Variants in CDH13 observed in about 807,000 individuals in gnomAD.
CDH13 encodes the protein cadherin-13.
In CDH13, 24 loss-of-function variants were observed where a neutral mutation model predicts 63.8. The ratio of observed to expected loss-of-function variants is 0.38; its 90% CI spans 0.27 to 0.53. The LOEUF is 0.53. Among genes scored for constraint, CDH13 ranks in the 20% least tolerant of loss-of-function variants. The pLI is 0.85. For synonymous variants in CDH13, 503 were observed against 355.3 expected, an observed-to-expected ratio of 1.42 and a Z score of -4.67; for missense variants, 1,049 against 903.1, an observed-to-expected ratio of 1.16 and a Z score of -2.07.
intron 10 of CDH13, among the ~76,000 whole-genome samples, chr16:83,747,690 G>C (rs150002027): frequency 7.3e-5 from 11 of 150,468 alleles, no homozygotes; most frequent in African/African-American, 2.7e-4. Context: ...GAGGTAGTGA[G>C]TTCTTCCTCC....
At chr16:83,668,036 T>C (rs1330948408) in intron 8 of CDH13, among the ~76,000 whole-genome samples, 2 of 152,086 alleles carry the variant, frequency 1.3e-5, no homozygotes, top group East Asian at 1.9e-4. Flanking sequence ...GTGACTGGGG[T>C]CCACCAGCCA....
intron 2 of CDH13, among the ~76,000 whole-genome samples, chr16:82,914,159 C>G (rs1326260445): frequency 6.6e-6 from 1 of 152,108 alleles, no homozygotes. Context: ...CTGCTAGATC[C>G]TTCACTAGAC....
chr16:83,326,860 C>A (rs750121263), intron 5 of CDH13, among the ~76,000 whole-genome samples: 14 of 152,136 alleles, frequency 9.2e-5, no homozygotes, highest in Non-Finnish European at 2.1e-4. Context: ...CTCCTAAGCC[C>A]AGAACCTATG....
At chr16:83,711,126 C>T (rs138167250) in intron 10 of CDH13, among the ~76,000 whole-genome samples, 1 of 152,190 alleles carries the variant, frequency 6.6e-6, no homozygotes, top group African/African-American at 2.4e-5. Flanking sequence ...CTAAAGCTGT[C>T]CCTTCTCCAC....
intron 7 of CDH13, among the ~76,000 whole-genome samples, chr16:83,488,613 TA>T (rs2073945557): frequency 1.3e-5 from 2 of 152,028 alleles, no homozygotes; most frequent in Non-Finnish European, 1.5e-5. Flanking sequence ...CCTATTTTTT[TA>T]TTTTTTTATT....
At chr16:83,722,340 G>A (rs1909805466) in intron 10 of CDH13, among the ~76,000 whole-genome samples, 1 of 152,182 alleles carries the variant, frequency 6.6e-6, no homozygotes, top group African/African-American at 2.4e-5. Context: ...ACCCCACAAA[G>A]GGGATCCCTG....
chr16:83,462,317 C>CA (rs1419019080), intron 6 of CDH13, among the ~76,000 whole-genome samples: 1 of 152,242 alleles, frequency 6.6e-6, no homozygotes, highest in Non-Finnish European at 1.5e-5. Context: ...GAGAGTTTCA[C>CA]AACTTGAGAT....
intron 4 of CDH13, among the ~76,000 whole-genome samples, chr16:83,212,415 CT>C (rs1288060770): frequency 6.6e-6 from 1 of 152,166 alleles, no homozygotes; most frequent in Non-Finnish European, 1.5e-5. Context: ...TGAAGAGGGA[CT>C]TTCCCCACTC....
intron 8 of CDH13, among the ~76,000 whole-genome samples, chr16:83,632,288 A>AG (rs1555506861): frequency 6.6e-6 from 1 of 151,976 alleles, no homozygotes. Flanking sequence ...CAGTGAAATT[A>AG]GAGATGACTC....
intron 5 of CDH13, among the ~76,000 whole-genome samples, chr16:83,301,035 T>TTTTTG (rs2089726627): frequency 1.5e-5 from 2 of 132,806 alleles, no homozygotes; most frequent in African/African-American, 5.8e-5. Context: ...GTTTTTTTTT[T>TTTTTG]TTTTTTTTTT....
intron 6 of CDH13, among the ~76,000 whole-genome samples, chr16:83,401,477 A>C (rs138173702): frequency 2.6e-5 from 4 of 152,134 alleles, no homozygotes; most frequent in Admixed American, 6.5e-5. Flanking sequence ...GCATCACTGC[A>C]CTCCAGCCTG....
At chr16:83,299,222 G>T (rs750954777) in intron 5 of CDH13, among the ~76,000 whole-genome samples, 6 of 151,216 alleles carry the variant, frequency 4.0e-5, no homozygotes, top group Non-Finnish European at 8.8e-5. Context: ...AGATACCACA[G>T]TGTGGATGTT....
chr16:83,721,220 G>A (rs2150936472), intron 10 of CDH13: 1 of 152,312 alleles, frequency 6.6e-6, no homozygotes, highest in Non-Finnish European at 1.5e-5. Flanking sequence ...ATTGGGGGTT[G>A]GCAGTCCATC....
chr16:83,724,717 T>C (rs2150942347), intron 10 of CDH13, among the ~76,000 whole-genome samples: 1 of 152,178 alleles, frequency 6.6e-6, no homozygotes, highest in East Asian at 1.9e-4. Flanking sequence ...GTATCCTTAC[T>C]TTCCCCTCCC....
At chr16:83,562,027 T>A (rs1301994657) in intron 7 of CDH13, among the ~76,000 whole-genome samples, 1 of 152,172 alleles carries the variant, frequency 6.6e-6, no homozygotes, top group African/African-American at 2.4e-5. Context: ...GAGAAACCCA[T>A]GTCCAGAGAA....
chr16:83,111,286 T>C (rs1002124844), intron 3 of CDH13, among the ~76,000 whole-genome samples: 5 of 152,268 alleles, frequency 3.3e-5, no homozygotes, highest in East Asian at 1.9e-4. Flanking sequence ...TATAATATCA[T>C]TGGATAGTGC....
chr16:83,267,572 T>A (rs889441238), intron 5 of CDH13, among the ~76,000 whole-genome samples: 3 of 152,164 alleles, frequency 2.0e-5, no homozygotes, highest in African/African-American at 7.2e-5. Flanking sequence ...CATGAATAGA[T>A]GAATGCTGTT....
intron 5 of CDH13, among the ~76,000 whole-genome samples, chr16:83,224,550 G>C (rs1046621995): frequency 5.3e-5 from 8 of 152,230 alleles, no homozygotes; most frequent in Admixed American, 4.6e-4. Context: ...CTAGGCAAGA[G>C]CCCTGAGTGG....
chr16:83,344,801 TA>T lies in CDH13; in HGVS notation c.637-60del, dbSNP rs1182302283. 3 of 1,577,774 alleles carry T rather than the reference TA, an allele frequency of 1.9e-6. No homozygotes were observed. The East Asian group carries it at 6.7e-5, about 35-fold the overall frequency. ...ATAACCTACTTTCTCTAGAGAACCT[TA>T]TTTGAATTTTCATAATGAATTAATA... is the stretch of plus-strand genomic sequence containing the variant. On this transcript the variant is annotated intron_variant, in intron 5 of 13. Transcript: ENST00000567109.
Sources: allele counts gnomAD v4.1 joint callset (sites outside exome capture counted in the v4.1 genomes callset), GRCh38; gene constraint gnomAD v4.1.1; transcripts MANE v1.5; gene names NCBI Gene and HGNC (gene_info 2026-07-23, HGNC 2026-07-21).